DMD: variants seen among roughly 807,000 people sequenced by gnomAD.
DMD encodes the protein mutant dystrophin.
In DMD, 63 loss-of-function variants were observed where a neutral mutation model predicts 330.1. The observed-to-expected ratio is 0.19, with a 90% CI of 0.16 to 0.24. The LOEUF is 0.24. Ranked by LOEUF, DMD falls within the 10% of genes least tolerant of loss-of-function variation. The pLI, the probability that DMD is intolerant of heterozygous loss-of-function variation, is 1.00. For missense variants in DMD, 3,344 were observed against 2,684.1 expected, an observed-to-expected ratio of 1.25 and a Z score of -5.43; for synonymous variants, 1,223 against 959.8, an observed-to-expected ratio of 1.27 and a Z score of -5.07.
chrX:33,126,128 A>T lies in DMD; in HGVS notation c.31+85154T>A, dbSNP rs112825454. On this transcript the variant is annotated intron_variant, in intron 1 of 78. Transcript: ENST00000357033. ...TCAACAGTAATTTTACTGCTAAGTA[A>T]TTTAAGTAATTTTACTGCCAGTTTC... Among the ~76,000 whole-genome samples the T allele has an allele frequency of 4.9e-3, 544 of 111,863 alleles. 2 individuals carry two copies. The highest frequency in any genetic ancestry group is 0.017 in the African/African-American group (522 of 30,952).
chrX:31,634,933 T>C (rs1429591766), intron 54 of DMD, among the ~76,000 whole-genome samples: 1 of 111,853 alleles, frequency 8.9e-6, no homozygotes, highest in East Asian at 2.8e-4. Context: ...CACATATTTT[T>C]TTCTTTCTTG....
chrX:32,234,466 A>T lies in DMD; in HGVS notation c.6291-17403T>A, dbSNP rs780938987. The stretch of plus-strand genomic sequence containing the variant: ...TACAATGGAGTCATCCAAGGATCTT[A>T]AAAAAAAAATACACCAGAGATCTGA... On this transcript the variant is annotated intron_variant, in intron 43 of 78. Coordinates refer to ENST00000357033, the MANE Select transcript of DMD (RefSeq NM_004006.3). Among the ~76,000 whole-genome samples, 756 of 108,880 alleles carry T rather than the reference A, an allele frequency of 6.9e-3. 5 individuals are homozygous for T. The highest frequency in any genetic ancestry group is 0.011 in the Non-Finnish European group (592 of 52,004). 94.5% of individuals were successfully genotyped at this position (108,880 alleles called of 115,157 possible).
chrX:33,013,419 C>G (rs2093738061), intron 2 of DMD, among the ~76,000 whole-genome samples: 1 of 111,195 alleles, frequency 9.0e-6, no homozygotes, highest in African/African-American at 3.3e-5. Context: ...CTAAATAATT[C>G]AATTGTTACC....
At chrX:31,321,639 G>GTGC (rs1556500940) in intron 62 of DMD, among the ~76,000 whole-genome samples, 14 of 94,934 alleles carry the variant, frequency 1.5e-4, no homozygotes, top group African/African-American at 5.3e-4. Context: ...TATAGGTTAA[G>GTGC]TGACTTGCCT....
rs774842180 is a variant in DMD at position 31,830,048 on chromosome X, G to A, written c.7200+6670C>T. Among the ~76,000 whole-genome samples the A allele has an allele frequency of 4.5e-5, 5 of 111,798 alleles. No individual in the cohort carries two copies. In the South Asian group the frequency reaches 1.1e-3, roughly 25 times the overall value. On this transcript the variant is annotated intron_variant, in intron 49 of 78. Transcript: ENST00000357033. Reference sequence around the variant, plus strand: ...CTCTTATGTCTCAATTATTTTATTCGGAACCACAATGTTGTATATTAGCCT... The same window carrying A: ...CTCTTATGTCTCAATTATTTTATTCAGAACCACAATGTTGTATATTAGCCT...
chrX:32,485,136 AC>A (rs778767859), intron 20 of DMD, 37 bp from the exon 21 acceptor site: 46 of 1,169,993 alleles, frequency 3.9e-5, no homozygotes. Context: ...TAACACGTTT[AC>A]TTTGCATACA....
intron 1 of DMD, among the ~76,000 whole-genome samples, chrX:33,190,465 A>G (rs2050468684): frequency 2.6e-5 from 1 of 38,415 alleles, no homozygotes; most frequent in African/African-American, 5.3e-5. Flanking sequence ...AAAAATATTG[A>G]TCTTTCTTTC....
intron 1 of DMD, among the ~76,000 whole-genome samples, chrX:33,301,921 T>A (rs1051190686): frequency 4.5e-5 from 5 of 111,891 alleles, no homozygotes; most frequent in African/African-American, 1.6e-4. Flanking sequence ...GTTTGTAAGA[T>A]AAAATACATA....
chrX:32,655,006 A>AT (rs1384733108), intron 9 of DMD, among the ~76,000 whole-genome samples: 1 of 111,004 alleles, frequency 9.0e-6, no homozygotes, highest in Admixed American at 9.6e-5. Flanking sequence ...CCCCTTTATT[A>AT]TTTTTTATTG....
intron 1 of DMD, among the ~76,000 whole-genome samples, chrX:33,179,904 C>T (rs1220381771): frequency 9.4e-6 from 1 of 106,680 alleles, no homozygotes; most frequent in Non-Finnish European, 1.9e-5. Context: ...GGCAATGGCA[C>T]GATCTCACCT....
chrX:32,546,164 G>A (rs915368090), intron 16 of DMD, among the ~76,000 whole-genome samples: 7 of 102,544 alleles, frequency 6.8e-5, no homozygotes, highest in Non-Finnish European at 5.9e-5. Context: ...TGGGCATTAC[G>A]AGATAGACAA....
chrX:31,778,538 A>G (rs1009616839), intron 50 of DMD, among the ~76,000 whole-genome samples: 1 of 108,977 alleles, frequency 9.2e-6, no homozygotes, highest in Non-Finnish European at 1.9e-5. Context: ...AAAGTGTTTC[A>G]AAGGACAGAA....
intron 62 of DMD, among the ~76,000 whole-genome samples, chrX:31,318,497 G>A (rs16989534): frequency 0.051 from 5,685 of 111,984 alleles, 344 homozygotes; most frequent in African/African-American, 0.17. Flanking sequence ...GTTTTATATC[G>A]CATTTTGCTA....
At chrX:32,331,330 AAAGAT>A (rs1399973933) in intron 41 of DMD, among the ~76,000 whole-genome samples, 1 of 111,830 alleles carries the variant, frequency 8.9e-6, no homozygotes, top group African/African-American at 3.2e-5. Flanking sequence ...GCATTCAAAT[AAAGAT>A]AATACTAACT....
At chrX:32,148,008 G>C (rs1006864965) in intron 44 of DMD, among the ~76,000 whole-genome samples, 1 of 107,797 alleles carries the variant, frequency 9.3e-6, no homozygotes, top group Admixed American at 1.0e-4. Flanking sequence ...CTCCCGAGTA[G>C]CTGGGACTAC....
At chrX:32,096,179 C>G (rs2096504682) in intron 44 of DMD, among the ~76,000 whole-genome samples, 1 of 111,876 alleles carries the variant, frequency 8.9e-6, no homozygotes, top group South Asian at 3.7e-4. Flanking sequence ...CATGAGTTAT[C>G]TGGTTTAATC....
At chrX:32,760,340 G>C (rs1473580969) in intron 7 of DMD, among the ~76,000 whole-genome samples, 1 of 108,287 alleles carries the variant, frequency 9.2e-6, no homozygotes, top group Admixed American at 9.8e-5. Flanking sequence ...ATATTTGTTA[G>C]TACCTCATGA....
chrX:32,839,450 ATC>A (rs1486608874), intron 4 of DMD, among the ~76,000 whole-genome samples: 2 of 111,713 alleles, frequency 1.8e-5, no homozygotes, highest in Admixed American at 9.5e-5. Flanking sequence ...TGTGGCTGTA[ATC>A]TCTGACACAC....
chrX:31,622,875 T>C (rs189154101), intron 55 of DMD, among the ~76,000 whole-genome samples: 13,987 of 80,148 alleles, frequency 0.17, 1,289 homozygotes, highest in African/African-American at 0.27. Flanking sequence ...TATATATATA[T>C]ATACACACAC....
Sources: allele counts gnomAD v4.1 joint callset (sites outside exome capture counted in the v4.1 genomes callset), GRCh38; gene constraint gnomAD v4.1.1; transcripts MANE v1.5; gene names NCBI Gene and HGNC (gene_info 2026-07-23, HGNC 2026-07-21).